Variants in MYPN observed in about 807,000 individuals in gnomAD.
MYPN encodes the protein myopalladin.
A neutral mutation model predicts 129.4 loss-of-function variants in MYPN; 63 were observed. The observed-to-expected ratio is 0.49, with a 90% confidence interval of 0.40 to 0.60. The LOEUF (loss-of-function observed/expected upper bound fraction) is 0.60. Among genes scored for constraint, MYPN ranks in the 20% least tolerant of loss-of-function variants. The pLI, the probability that MYPN is intolerant of heterozygous loss-of-function variation, is 0.00. For missense variants in MYPN, 1,596 were observed against 1,635.4 expected (o/e 0.98, Z 0.42); for synonymous variants, 629 against 600.9 (o/e 1.05, Z -0.68).
Position 68,206,865 on chromosome 10 carries a change from C to A in MYPN, c.3755C>A (p.Ala1252Asp). The change falls in exon 19 of 20, where the codon GCC becomes GAC. Residue 1252 changes from alanine (A) to aspartate (D), a missense_variant. Transcript: ENST00000358913. ...TACACGTTGTCAGCCAAGAATGAAG[C>A]CGGCATCGTGTCGTGCACTGCCAGG... ...GWYTLSAKNE[A>D]GIVSCTARLD... is the part of the protein sequence containing the mutation. 6.2e-7 allele frequency: 1 copy of A among 1,614,198 alleles called. No homozygotes were observed. The highest frequency in any genetic ancestry group is 1.1e-5 in the South Asian group (1 of 91,086).
intron 2 of MYPN, among the ~76,000 whole-genome samples, chr10:68,126,064 G>C (rs1564649934): frequency 6.6e-6 from 1 of 152,186 alleles, no homozygotes; most frequent in Non-Finnish European, 1.5e-5. Flanking sequence ...AACACAGGAG[G>C]TAGAGGAGGC....
At chr10:68,179,477 G>A (rs1040876815) in intron 12 of MYPN, among the ~76,000 whole-genome samples, 1 of 152,096 alleles carries the variant, frequency 6.6e-6, no homozygotes, top group Non-Finnish European at 1.5e-5. Context: ...ATCAACCCAC[G>A]ACTATGGGAT....
intron 2 of MYPN, among the ~76,000 whole-genome samples, chr10:68,129,653 C>T (rs998660334): frequency 8.5e-5 from 13 of 152,216 alleles, no homozygotes; most frequent in South Asian, 4.1e-4. Context: ...AAATTGTTTT[C>T]CAAAGGAATT....
At chr10:68,170,680 A>G (rs2043130460) in intron 10 of MYPN, among the ~76,000 whole-genome samples, 1 of 152,214 alleles carries the variant, frequency 6.6e-6, no homozygotes, top group South Asian at 2.1e-4. Flanking sequence ...TGACTTTGAA[A>G]TTTCAGATTG....
At chr10:68,136,288 G>T (rs1477473801) in intron 2 of MYPN, 7 of 990,684 alleles carry the variant, frequency 7.1e-6, no homozygotes, top group Non-Finnish European at 8.4e-6. Context: ...TTAACCATCT[G>T]GACCTGCCCT....
chr10:68,155,968 A>G (rs1353538128), intron 6 of MYPN, among the ~76,000 whole-genome samples: 1 of 152,210 alleles, frequency 6.6e-6, no homozygotes, highest in Non-Finnish European at 1.5e-5. Context: ...ATGTTAAATG[A>G]ATAACAACCA....
intron 14 of MYPN, among the ~76,000 whole-genome samples, chr10:68,195,127 A>C (rs2043582640): frequency 6.6e-6 from 1 of 152,222 alleles, no homozygotes; most frequent in Non-Finnish European, 1.5e-5. Context: ...TCTGTTGAGG[A>C]ATGTATGAAA....
At chr10:68,104,209 G>C (rs1208119280), upstream of MYPN, among the ~76,000 whole-genome samples, 2 of 152,114 alleles carry the variant, frequency 1.3e-5, no homozygotes, top group African/African-American at 4.8e-5. Context: ...GTGATTACCT[G>C]GGTCATGAGT....
rs778754931 is a variant in MYPN at position 68,210,908 on chromosome 10, A to G, written c.*453A>G. On this transcript the variant is annotated 3_prime_UTR_variant, in exon 20 of 20. Coordinates refer to ENST00000358913, the MANE Select transcript of MYPN (RefSeq NM_032578.4). ...GACAGGTCACCATCACCTTTCATCG[A>G]TTACATGTATAGCAGTAGTTTTGGT... 102 of 454,936 alleles carry G rather than the reference A, an allele frequency of 2.2e-4. No individual in the cohort carries two copies. The highest frequency in any genetic ancestry group is 4.4e-4 in the Non-Finnish European group (99 of 227,198). The allele number at this position is 454,936 out of a possible 1,614,324, so 28.2% of individuals were successfully genotyped here.
At chr10:68,141,570 T>G (rs749104591) in intron 2 of MYPN, among the ~76,000 whole-genome samples, 1 of 152,138 alleles carries the variant, frequency 6.6e-6, no homozygotes, top group Non-Finnish European at 1.5e-5. Context: ...AATGAAAAAA[T>G]GTAAAAGGGT....
chr10:68,116,305 T>A (rs1310312901), intron 1 of MYPN, among the ~76,000 whole-genome samples: 1 of 152,222 alleles, frequency 6.6e-6, no homozygotes, highest in East Asian at 1.9e-4. Context: ...TTCATATTTT[T>A]TATTTTGGCT....
At position 68,121,520 on chromosome 10, in the gene MYPN, G is replaced by A; in HGVS notation, c.82G>A (p.Gly28Arg). 6.2e-7 allele frequency: 1 copy of A among 1,614,158 alleles called. No individual in the cohort carries two copies. Among genetic ancestry groups the A allele is most frequent in the Non-Finnish European group, 8.5e-7 (1 of 1,180,022 alleles). Residue 28 changes from glycine (G) to arginine (R), a missense_variant, in exon 2 of 20, where the codon GGA (glycine) becomes AGA (arginine). Physicochemically the swap from Gly to Arg is moderately radical, Grantham distance 125. Transcript: ENST00000358913. The stretch of plus-strand genomic sequence containing the variant: ...CTATTTAGCTGAAACCAGACATCGG[G>A]GAAACAATGAGAGGAGTCGAGCGGA... ...ESYLAETRHR[G>R]NNERSRAEPS...
rs563561690 is a variant in MYPN, at chr10:68,095,478, A to G, written c.-2+7486A>G. Among the ~76,000 whole-genome samples the G allele has an allele frequency of 3.3e-5, 5 of 152,268 alleles. No individual in the cohort carries two copies. The South Asian group carries it at 1.0e-3, about 32-fold the overall frequency. ...GAGCCTATCACAAATCACACTGCAGACCAGGGTCTCCCTGCCTCCCATCTG... is the reference window on the plus strand; with the variant it reads ...GAGCCTATCACAAATCACACTGCAGGCCAGGGTCTCCCTGCCTCCCATCTG... On this transcript the variant is annotated intron_variant, in intron 1 of 6. Coordinates refer to the MYPN transcript ENST00000685154.
chr10:68,206,765 T>G lies in MYPN; in HGVS notation c.3660-5T>G. ...AATATAGGTATATTCTCTCTTTTTC[T>G]CCAGTATGCACCAGGACACAACAGG... On this transcript the variant is annotated splice_region_variant and splice_polypyrimidine_tract_variant and intron_variant, in intron 18 of 19. Coordinates refer to ENST00000358913, the MANE Select transcript of MYPN (RefSeq NM_032578.4). 1 of 1,614,124 alleles carries G rather than the reference T, an allele frequency of 6.2e-7. No homozygotes were observed. Among genetic ancestry groups the G allele is most frequent in the Non-Finnish European group, 8.5e-7 (1 of 1,180,004 alleles).
chr10:68,117,299 A>AG (rs1386889727), intron 1 of MYPN, among the ~76,000 whole-genome samples: 1 of 151,924 alleles, frequency 6.6e-6, no homozygotes, highest in Non-Finnish European at 1.5e-5. Flanking sequence ...TCAAAAAAAA[A>AG]AATTTATTGA....
At chr10:68,162,097 G>T (rs1011318016) in intron 8 of MYPN, 8 of 171,336 alleles carry the variant, frequency 4.7e-5, no homozygotes, top group Admixed American at 1.2e-4. Context: ...GAGCCTGGGA[G>T]GTGGAGGTTG....
chr10:68,176,794 T>G (rs999208080), intron 12 of MYPN, among the ~76,000 whole-genome samples: 10 of 152,210 alleles, frequency 6.6e-5, no homozygotes, highest in African/African-American at 2.2e-4. Flanking sequence ...ACAGGCTCAG[T>G]AGTGGAACTA....
intron 1 of MYPN, among the ~76,000 whole-genome samples, chr10:68,100,920 T>C (rs1021499919): frequency 2.0e-5 from 3 of 152,202 alleles, no homozygotes; most frequent in African/African-American, 7.2e-5. Context: ...ATCATAACCA[T>C]TAATGACAAT....
intron 13 of MYPN, among the ~76,000 whole-genome samples, chr10:68,191,654 TTG>T (rs1211717630): frequency 1.3e-5 from 2 of 152,170 alleles, no homozygotes; most frequent in Admixed American, 1.3e-4. Flanking sequence ...ATCTTTCCAT[TTG>T]TGTGTGTGTG....
Sources: gnomAD v4.1 joint callset for allele counts (sites outside exome capture counted in the v4.1 genomes callset) on GRCh38, gnomAD v4.1.1 for gene constraint, MANE v1.5 for transcripts, NCBI Gene and HGNC (gene_info 2026-07-23, HGNC 2026-07-21) for gene names.